MARCHF1: variants seen among roughly 807,000 people sequenced by gnomAD.
MARCHF1 encodes the protein E3 ubiquitin-protein ligase MARCHF1.
In MARCHF1, 40 loss-of-function variants were observed where a neutral mutation model predicts 54.2. The ratio of observed to expected loss-of-function variants is 0.74; its 90% CI spans 0.57 to 0.96. The LOEUF (loss-of-function observed/expected upper bound fraction) is 0.96, where lower values mean the gene tolerates loss of function less well. Ranked by LOEUF, MARCHF1 falls within the 40% of genes least tolerant of loss-of-function variation. The pLI, the probability that MARCHF1 is intolerant of heterozygous loss-of-function variation, is 0.00. For missense variants in MARCHF1, 586 were observed against 656.5 expected, an observed-to-expected ratio of 0.89 and a Z score of 1.17; for synonymous variants, 236 against 236.3, an observed-to-expected ratio of 1.00 and a Z score of 0.01.
chr4:164,139,976 C>T (rs1193292104), intron 1 of MARCHF1, among the ~76,000 whole-genome samples: 1 of 151,934 alleles, frequency 6.6e-6, no homozygotes, highest in East Asian at 1.9e-4. Flanking sequence ...ATAATAAAGG[C>T]TTGTTAATTG....
chr4:163,802,549 T>G (rs762685193), intron 4 of MARCHF1, among the ~76,000 whole-genome samples: 3 of 152,212 alleles, frequency 2.0e-5, no homozygotes, highest in Non-Finnish European at 2.9e-5. Flanking sequence ...TTGCTGTAAC[T>G]GCAGTGTTTT....
intron 3 of MARCHF1, among the ~76,000 whole-genome samples, chr4:163,924,443 A>G (rs1751496787): frequency 6.6e-6 from 1 of 152,102 alleles, no homozygotes; most frequent in Non-Finnish European, 1.5e-5. Flanking sequence ...TCATGGGCAT[A>G]CAAGTCTTAT....
At chr4:164,012,749 G>A (rs1450009311) in intron 2 of MARCHF1, among the ~76,000 whole-genome samples, 1 of 152,076 alleles carries the variant, frequency 6.6e-6, no homozygotes, top group Admixed American at 6.6e-5. Context: ...GGTGACCCAG[G>A]GAATTCTCCC....
intron 2 of MARCHF1, among the ~76,000 whole-genome samples, chr4:164,050,707 C>A (rs527561218): frequency 2.6e-5 from 4 of 151,988 alleles, no homozygotes; most frequent in Admixed American, 2.0e-4. Context: ...CTAAGGCGGG[C>A]GGATCACCTG....
At chr4:163,668,642 C>G (rs35674900) in intron 5 of MARCHF1, among the ~76,000 whole-genome samples, 9,764 of 152,194 alleles carry the variant, frequency 0.064, 413 homozygotes, top group Non-Finnish European at 0.092. Flanking sequence ...ATTGTTGAAT[C>G]ACAGCATCAG....
intron 1 of MARCHF1, among the ~76,000 whole-genome samples, chr4:164,214,554 A>G (rs1731875361): frequency 6.6e-6 from 1 of 152,318 alleles, no homozygotes; most frequent in East Asian, 1.9e-4. Context: ...TGGTAGACAT[A>G]GATCCAAGTC....
rs1339777638 is a variant in MARCHF1 at position 163,662,596 on chromosome 4, T to C, written c.162+38217A>G. 9.9e-5 allele frequency among the ~76,000 whole-genome samples: 15 copies of C among 152,156 alleles called. No individual in the cohort carries two copies. In the South Asian group the frequency reaches 3.1e-3, roughly 32 times the overall value. ...CTCTAAGTCCGTCTGTTACCATCTC[T>C]CTCTGTCTCTGATAGAAATTTTCCT... On this transcript the variant is annotated intron_variant, in intron 5 of 9. Transcript: ENST00000514618.
chr4:164,365,911 C>A (rs1327800903), intron 1 of MARCHF1, among the ~76,000 whole-genome samples: 1 of 152,000 alleles, frequency 6.6e-6, no homozygotes, highest in Non-Finnish European at 1.5e-5. Context: ...ATCTCCCCCT[C>A]CTCCTATCCT....
chr4:163,893,810 T>C (rs1035358043), intron 3 of MARCHF1, among the ~76,000 whole-genome samples: 1 of 152,190 alleles, frequency 6.6e-6, no homozygotes, highest in Non-Finnish European at 1.5e-5. Flanking sequence ...AAACATTCAC[T>C]GAAGCCTCAT....
intron 1 of MARCHF1, among the ~76,000 whole-genome samples, chr4:164,313,742 A>C (rs1734927779): frequency 1.3e-5 from 2 of 152,298 alleles, no homozygotes; most frequent in South Asian, 4.1e-4. Context: ...TAGATTTCCT[A>C]ACTCAGTGGA....
chr4:163,587,915 T>A (rs1740462886), intron 7 of MARCHF1, among the ~76,000 whole-genome samples: 1 of 152,058 alleles, frequency 6.6e-6, no homozygotes, highest in African/African-American at 2.4e-5. Context: ...TTAAAGTGTA[T>A]AAAGTATATA....
intron 5 of MARCHF1, among the ~76,000 whole-genome samples, chr4:163,638,138 T>G (rs1742412485): frequency 6.7e-6 from 1 of 148,932 alleles, no homozygotes; most frequent in Non-Finnish European, 1.5e-5. Flanking sequence ...ATATACCTAA[T>G]GCTAGATGAC....
chr4:163,679,806 G>A (rs1375356572), intron 5 of MARCHF1, among the ~76,000 whole-genome samples: 1 of 151,418 alleles, frequency 6.6e-6, no homozygotes, highest in Non-Finnish European at 1.5e-5. Flanking sequence ...TAGAGACGGG[G>A]TTTCACCGTG....
intron 1 of MARCHF1, chr4:164,189,394 A>G: frequency 1.5e-6 from 1 of 666,190 alleles, no homozygotes; most frequent in South Asian, 1.7e-5. Flanking sequence ...GTCTACTATG[A>G]GGCCTGTCCA....
At chr4:164,024,382 G>A (rs544370146) in intron 2 of MARCHF1, among the ~76,000 whole-genome samples, 2 of 152,272 alleles carry the variant, frequency 1.3e-5, no homozygotes, top group South Asian at 4.1e-4. Flanking sequence ...CAGGCTAACA[G>A]TAGATCTCTC....
At chr4:164,307,919 G>A (rs1253636928) in intron 1 of MARCHF1, among the ~76,000 whole-genome samples, 1 of 152,176 alleles carries the variant, frequency 6.6e-6, no homozygotes, top group Non-Finnish European at 1.5e-5. Flanking sequence ...AAACTGTGGT[G>A]CTGTAAATGC....
At chr4:164,230,199 C>A (rs1560964280) in intron 1 of MARCHF1, among the ~76,000 whole-genome samples, 1 of 152,008 alleles carries the variant, frequency 6.6e-6, no homozygotes, top group Non-Finnish European at 1.5e-5. Context: ...AGTTTGAGAC[C>A]AGCCTGACCA....
chr4:163,671,025 C>T (rs946350954), intron 5 of MARCHF1, among the ~76,000 whole-genome samples: 2 of 152,168 alleles, frequency 1.3e-5, no homozygotes, highest in Admixed American at 6.5e-5. Context: ...AGTTCATTTG[C>T]TTGCTGCTTC....
chr4:164,231,865 T>A (rs934271937), intron 1 of MARCHF1, among the ~76,000 whole-genome samples: 1 of 152,130 alleles, frequency 6.6e-6, no homozygotes, highest in African/African-American at 2.4e-5. Flanking sequence ...CCATTTCTAC[T>A]TTCAGGCCCT....
Sources: gnomAD v4.1 joint callset for allele counts (sites outside exome capture counted in the v4.1 genomes callset) on GRCh38, gnomAD v4.1.1 for gene constraint, MANE v1.5 for transcripts, NCBI Gene and HGNC (gene_info 2026-07-23, HGNC 2026-07-21) for gene names.